Variants in ARAP1 observed in about 807,000 individuals in gnomAD.
ARAP1 encodes arf-GAP with Rho-GAP domain, ANK repeat and PH domain-containing protein 1.
A neutral mutation model predicts 172.2 loss-of-function variants in ARAP1; 76 were observed. The ratio of observed to expected loss-of-function variants is 0.44; its 90% CI spans 0.37 to 0.53. The LOEUF (loss-of-function observed/expected upper bound fraction) is 0.53. ARAP1 is among the 20% of genes least tolerant of loss of function. The probability of loss-of-function intolerance (pLI) is 0.00; values close to 1 mark genes in which losing one functional copy is unlikely to be tolerated. For missense variants in ARAP1, 1,686 were observed against 1,977.5 expected (o/e 0.85, Z 2.80); for synonymous variants, 804 against 803.3 (o/e 1.00, Z -0.01).
intron 18 of ARAP1, 82 bp downstream of exon 18, chr11:72,698,923 G>A (rs755963766): frequency 7.2e-7 from 1 of 1,397,774 alleles, no homozygotes; most frequent in Non-Finnish European, 1.0e-6. Context: ...AGACGGGGGA[G>A]CTGGGATACA....
intron 5 of ARAP1, chr11:72,712,882 A>T (rs1041516414): frequency 1.3e-5 from 8 of 598,986 alleles, no homozygotes; most frequent in Non-Finnish European, 1.8e-5. Flanking sequence ...AAACAGAGAC[A>T]GACACTCCGG....
At position 72,710,115 on chromosome 11, in the gene ARAP1, G is replaced by A; in HGVS notation, c.1417-139C>T. The stretch of plus-strand genomic sequence containing the variant: ...GAGGGAGACAGCAGGGGACATGGGA[G>A]GCTGGGCAGGGTAAGGGGCTGCAGG... On this transcript the variant is annotated intron_variant, in intron 10 of 34. Transcript: ENST00000393609. The surrounding 1 kb of genome is among the most constrained non-coding windows in gnomAD (Gnocchi z 4.3). The A allele has an allele frequency of 1.2e-6, 1 of 831,602 alleles. No homozygotes were observed. Among genetic ancestry groups the A allele is most frequent in the African/African-American group, 1.7e-5 (1 of 59,940 alleles). The allele number at this position is 831,602 out of a possible 1,614,324, so 51.5% of individuals were successfully genotyped here.
At position 72,714,317 on chromosome 11, in the gene ARAP1, G is replaced by A; in HGVS notation, c.514C>T (p.Pro172Ser). 1 of 1,548,334 alleles carries A rather than the reference G, an allele frequency of 6.5e-7. No homozygotes were observed. The highest frequency in any genetic ancestry group is 8.7e-7 in the Non-Finnish European group (1 of 1,145,688). The change falls in exon 4 of 35, where the codon CCC becomes TCC. Residue 172 changes from proline to serine, a missense_variant. Coordinates refer to ENST00000393609, the MANE Select transcript of ARAP1 (RefSeq NM_001040118.3). ...TGPPRLLVSL[P>S]TKEEESLLPS... is the part of the protein sequence containing the mutation. ...AGCAATGACTCCTCCTCCTTAGTGG[G>A]CAGGCTGGGAACACAACAAAAGTTG...
chr11:72,719,752 T>C (rs912149409), intron 3 of ARAP1, among the ~76,000 whole-genome samples: 1 of 152,166 alleles, frequency 6.6e-6, no homozygotes, highest in African/African-American at 2.4e-5. Flanking sequence ...GCAGTCTGCA[T>C]ATCTCAGGCT....
intron 2 of ARAP1, among the ~76,000 whole-genome samples, chr11:72,731,170 TGG>T (rs1857855994): frequency 6.6e-6 from 1 of 152,092 alleles, no homozygotes; most frequent in African/African-American, 2.4e-5. Context: ...GAGGGAACAG[TGG>T]AAGATGCAGA....
chr11:72,699,342 G>A lies in ARAP1; in HGVS notation c.2438+75C>T, dbSNP rs1856367776. On this transcript the variant is annotated intron_variant, in intron 17 of 34. Transcript: ENST00000393609. This position sits in a 1 kb window ranked among gnomAD's most constrained non-coding sequence, Gnocchi z 4.2. ...CTGCGGAGGTCCTCCCCTTCTCTGGGTCTATTTCCCTGTCTCCCCAGTGGG... is the reference window on the plus strand; with the variant it reads ...CTGCGGAGGTCCTCCCCTTCTCTGGATCTATTTCCCTGTCTCCCCAGTGGG... 1 of 1,595,992 alleles carries A rather than the reference G, an allele frequency of 6.3e-7. No individual in the cohort carries two copies. Among genetic ancestry groups the A allele is most frequent in the Admixed American group, 1.7e-5 (1 of 59,334 alleles).
Position 72,707,134 on chromosome 11 carries a change from C to T in ARAP1, c.1723+41G>A, listed in dbSNP as rs372443251. On this transcript the variant is annotated intron_variant, in intron 12 of 34. Transcript: ENST00000393609. Reference sequence around the variant, plus strand: ...ACCTGCCATCCCAACTGGCCAACCCCGCCATGCCTCTGCCTGGTGCCCCGA... The same window carrying T: ...ACCTGCCATCCCAACTGGCCAACCCTGCCATGCCTCTGCCTGGTGCCCCGA... The T allele has an allele frequency of 9.8e-5, 148 of 1,505,874 alleles. 2 individuals are homozygous for T. In the African/African-American group the frequency reaches 1.6e-3, roughly 17 times the overall value. The allele number at this position is 1,505,874 out of a possible 1,614,324, so 93.3% of individuals were successfully genotyped here. A position where few individuals can be genotyped will look rare whatever the true frequency, so the allele number is the denominator to read the frequency against.
chr11:72,751,216 A>T (rs1591258669), intron 1 of ARAP1, among the ~76,000 whole-genome samples: 1 of 152,070 alleles, frequency 6.6e-6, no homozygotes, highest in East Asian at 1.9e-4. Flanking sequence ...GACAATCCCC[A>T]GCCAGGAATG....
rs889457916 is a variant in ARAP1 at position 72,693,277 on chromosome 11, A to G, written c.3954+48T>C. On this transcript the variant is annotated intron_variant, in intron 29 of 34. Coordinates refer to ENST00000393609, the MANE Select transcript of ARAP1 (RefSeq NM_001040118.3). This position sits in a 1 kb window ranked among gnomAD's most constrained non-coding sequence, Gnocchi z 4.6. The stretch of plus-strand genomic sequence containing the variant: ...CCAAGGGGAATCTCTGAGCACATTC[A>G]GGTGTACAGGTGCCCACCCTGGGGC... 2 of 1,594,862 alleles carry G rather than the reference A, an allele frequency of 1.3e-6. No individual in the cohort carries two copies. The highest frequency in any genetic ancestry group is 1.7e-6 in the Non-Finnish European group (2 of 1,168,726).
At chr11:72,738,244 G>A (rs959418745) in intron 1 of ARAP1, among the ~76,000 whole-genome samples, 6 of 152,198 alleles carry the variant, frequency 3.9e-5, no homozygotes, top group African/African-American at 1.4e-4. Context: ...AAGATGTTTA[G>A]AGAGAAAGGC....
intron 30 of ARAP1, chr11:72,689,376 T>C (rs1467176812): frequency 1.3e-5 from 2 of 152,216 alleles, no homozygotes; most frequent in African/African-American, 4.8e-5. Flanking sequence ...CTTGAAGCCC[T>C]ACCCCTACCA....
At position 72,710,727 on chromosome 11, in the gene ARAP1, T is replaced by C; in HGVS notation, c.1214-140A>G. The C allele has an allele frequency of 9.5e-7, 1 of 1,052,774 alleles. No homozygotes were observed. Among genetic ancestry groups the C allele is most frequent in the South Asian group, 1.7e-5 (1 of 60,408 alleles). 65.2% of individuals were successfully genotyped at this position (1,052,774 alleles called of 1,614,324 possible). On this transcript the variant is annotated intron_variant, in intron 9 of 34. Coordinates refer to ENST00000393609, the MANE Select transcript of ARAP1 (RefSeq NM_001040118.3). This position sits in a 1 kb window ranked among gnomAD's most constrained non-coding sequence, Gnocchi z 4.3. ...ATCATTTTGCTTGACTTCTCTGACT[T>C]GAACGAGCTCAGGCTCCAATCCCAG...
chr11:72,737,857 C>T (rs1315118401), intron 1 of ARAP1, among the ~76,000 whole-genome samples: 4 of 152,340 alleles, frequency 2.6e-5, no homozygotes, highest in Non-Finnish European at 4.4e-5. Context: ...CTCCTGAGTT[C>T]ATGCGAGCTT....
intron 5 of ARAP1, 25 bp from the exon 6 acceptor site, chr11:72,712,593 C>T (rs1430596020): frequency 2.5e-6 from 4 of 1,610,178 alleles, no homozygotes; most frequent in East Asian, 2.2e-5. Flanking sequence ...CACTCAGCGT[C>T]ATCCTTCCCT....
Position 72,726,565 on chromosome 11 carries a change from T to C in ARAP1, c.509+55A>G, listed in dbSNP as rs1275351885. 2 of 1,448,734 alleles carry C rather than the reference T, an allele frequency of 1.4e-6. No homozygotes were observed. The highest frequency in any genetic ancestry group is 1.4e-5 in the African/African-American group (1 of 70,506). 89.7% of individuals were successfully genotyped at this position (1,448,734 alleles called of 1,614,324 possible). On this transcript the variant is annotated intron_variant, in intron 3 of 34. Coordinates refer to ENST00000393609, the MANE Select transcript of ARAP1 (RefSeq NM_001040118.3). This position sits in a 1 kb window ranked among gnomAD's most constrained non-coding sequence, Gnocchi z 6.5. ...CACCAAAGGCCACAAACTCCCCATC[T>C]ACCCTCTGGGATCCTCTGCCTGTGC...
At chr11:72,750,250 T>A (rs1050701945) in intron 1 of ARAP1, among the ~76,000 whole-genome samples, 4 of 151,524 alleles carry the variant, frequency 2.6e-5, no homozygotes, top group African/African-American at 9.7e-5. Context: ...AGACCTAGAG[T>A]GAGGGGCGGG....
In ARAP1 at chr11:72,741,453, A is replaced by C. The variant is rs948591814; in HGVS notation, c.-127-8856T>G. Among the ~76,000 whole-genome samples, 15 of 152,034 alleles carry C rather than the reference A, an allele frequency of 9.9e-5. No homozygotes were observed. Among genetic ancestry groups the C allele is most frequent in the African/African-American group, 3.1e-4 (13 of 41,406 alleles). On this transcript the variant is annotated intron_variant, in intron 1 of 34. Transcript: ENST00000393609. This position sits in a 1 kb window ranked among gnomAD's most constrained non-coding sequence, Gnocchi z 4.5. ...GACCTGGGGCGCTCCCACCACCAGCAAGACAGGGCTCTGGCCTGGCTCCCT... is the reference window on the plus strand; with the variant it reads ...GACCTGGGGCGCTCCCACCACCAGCCAGACAGGGCTCTGGCCTGGCTCCCT...
At chr11:72,716,387 C>G (rs552371009) in intron 3 of ARAP1, among the ~76,000 whole-genome samples, 1 of 152,206 alleles carries the variant, frequency 6.6e-6, no homozygotes, top group Admixed American at 6.5e-5. Flanking sequence ...GTGTGAAGAG[C>G]TGGCCTTCGG....
intron 15 of ARAP1, 77 bp from the exon 16 acceptor site, chr11:72,701,860 G>A: frequency 6.5e-7 from 1 of 1,545,358 alleles, no homozygotes; most frequent in Non-Finnish European, 8.8e-7. Flanking sequence ...CACCTGGCCT[G>A]GGCATTCAGG....
Sources: allele counts gnomAD v4.1 joint callset (sites outside exome capture counted in the v4.1 genomes callset), GRCh38; gene constraint gnomAD v4.1.1; non-coding constraint Gnocchi (gnomAD v3.1); transcripts MANE v1.5; gene names NCBI Gene and HGNC (gene_info 2026-07-23, HGNC 2026-07-21).